DMD: variants seen among roughly 807,000 people sequenced by gnomAD.
DMD encodes mutant dystrophin.
DMD carries 63 observed loss-of-function variants against 330.1 expected under a neutral mutation model. The ratio of observed to expected loss-of-function variants is 0.19; its 90% CI spans 0.16 to 0.24. The LOEUF is 0.24. DMD is among the 10% of genes least tolerant of loss of function. DMD has a pLI of 1.00. For synonymous variants in DMD, 1,223 were observed against 959.8 expected, an observed-to-expected ratio of 1.27 and a Z score of -5.07; for missense variants, 3,344 against 2,684.1, an observed-to-expected ratio of 1.25 and a Z score of -5.43.
Position 32,394,921 on chromosome X carries a change from A to AAACAAAAAAAAAAAC in DMD, c.4234-4741_4234-4740insGTTTTTTTTTTTGTT, listed in dbSNP as rs564629446. Among the ~76,000 whole-genome samples, 142 of 63,671 alleles carry AAACAAAAAAAAAAAC rather than the reference A, an allele frequency of 2.2e-3. 2 individuals are homozygous for AAACAAAAAAAAAAAC. Among genetic ancestry groups the AAACAAAAAAAAAAAC allele is most frequent in the African/African-American group, 7.0e-3 (127 of 18,267 alleles). 55.3% of individuals were successfully genotyped at this position (63,671 alleles called of 115,157 possible). On this transcript the variant is annotated intron_variant, in intron 30 of 78. Coordinates refer to ENST00000357033, the MANE Select transcript of DMD (RefSeq NM_004006.3). ...AAGAGCAAAAAACAAAAAAACAAAA[A>AAACAAAAAAAAAAAC]AAAAAAAAAAAAGAAAAGAAATCAT...
intron 1 of DMD, among the ~76,000 whole-genome samples, chrX:33,263,310 A>G: frequency 9.1e-6 from 1 of 110,132 alleles, no homozygotes; most frequent in East Asian, 2.8e-4. Flanking sequence ...GATCCTATAT[A>G]TTTAATGTGT....
chrX:33,078,084 G>T (rs906966614), intron 1 of DMD, among the ~76,000 whole-genome samples: 4 of 111,687 alleles, frequency 3.6e-5, no homozygotes, highest in South Asian at 3.8e-4. Context: ...CCATGGGTTT[G>T]TACCCTCAAA....
chrX:32,782,552 T>A (rs772329304), intron 7 of DMD, among the ~76,000 whole-genome samples: 1 of 111,380 alleles, frequency 9.0e-6, no homozygotes, highest in East Asian at 2.8e-4. Flanking sequence ...CATTGTCAAG[T>A]TCTTCCTGCA....
intron 29 of DMD, among the ~76,000 whole-genome samples, chrX:32,426,884 C>A: frequency 9.0e-6 from 1 of 111,378 alleles, no homozygotes; most frequent in East Asian, 2.8e-4. Context: ...CATGTTCTCA[C>A]TTATAAGTGG....
At chrX:31,447,260 A>ATTTTTTTTT (rs72227601) in intron 59 of DMD, among the ~76,000 whole-genome samples, 3 of 52,471 alleles carry the variant, frequency 5.7e-5, no homozygotes, top group Admixed American at 3.1e-4. Context: ...AGATCTTGGG[A>ATTTTTTTTT]TTTTTTTTTT....
chrX:31,652,706 A>T (rs532405522), intron 54 of DMD, among the ~76,000 whole-genome samples: 1 of 111,633 alleles, frequency 9.0e-6, no homozygotes, highest in Admixed American at 9.6e-5. Context: ...AAGAAGATGG[A>T]CGAATTAAAA....
At chrX:32,454,931 G>C in intron 25 of DMD, 99 bp from the exon 26 acceptor site, 1 of 1,003,638 alleles carries the variant, frequency 1.0e-6, no homozygotes, top group South Asian at 2.2e-5. Flanking sequence ...AGCTTAGATA[G>C]TAATGATAAA....
chrX:32,316,144 G>T (rs921651436), intron 41 of DMD, among the ~76,000 whole-genome samples: 3 of 111,270 alleles, frequency 2.7e-5, no homozygotes, highest in African/African-American at 9.8e-5. Flanking sequence ...TCAATACATG[G>T]AAATAATCCC....
chrX:32,581,352 G>A (rs367794073), intron 13 of DMD, among the ~76,000 whole-genome samples: 2 of 112,195 alleles, frequency 1.8e-5, no homozygotes, highest in South Asian at 7.4e-4. Context: ...CTTGACTCCT[G>A]CTCTGGTTAC....
intron 70 of DMD, 93 bp from the exon 71 acceptor site, chrX:31,178,063 A>C: frequency 9.1e-7 from 1 of 1,093,117 alleles, no homozygotes; most frequent in Non-Finnish European, 1.2e-6. Flanking sequence ...AAATCCAGCC[A>C]ATTAAGTATG....
intron 16 of DMD, among the ~76,000 whole-genome samples, chrX:32,545,924 T>G (rs2048924861): frequency 9.1e-6 from 1 of 110,211 alleles, no homozygotes; most frequent in Non-Finnish European, 1.9e-5. Context: ...TATATCTTTA[T>G]GTTGAATGTT....
chrX:32,541,884 C>A (rs1175747132), intron 17 of DMD, among the ~76,000 whole-genome samples: 1 of 111,348 alleles, frequency 9.0e-6, no homozygotes, highest in Non-Finnish European at 1.9e-5. Flanking sequence ...TCCATATTTG[C>A]TACTTCTCTA....
intron 7 of DMD, among the ~76,000 whole-genome samples, chrX:32,705,663 A>G (rs1292691972): frequency 9.0e-6 from 1 of 111,158 alleles, no homozygotes; most frequent in Non-Finnish European, 1.9e-5. Context: ...AAAATATAAA[A>G]ATTTCTCCAC....
chrX:31,890,925 T>C (rs1752218769), intron 47 of DMD, among the ~76,000 whole-genome samples: 1 of 112,038 alleles, frequency 8.9e-6, no homozygotes, highest in African/African-American at 3.2e-5. Context: ...TCAAATGGCA[T>C]GACCTACATA....
At chrX:31,503,980 T>C (rs1266493769) in intron 56 of DMD, among the ~76,000 whole-genome samples, 2 of 110,868 alleles carry the variant, frequency 1.8e-5, no homozygotes, top group African/African-American at 6.5e-5. Flanking sequence ...AGAGCAGTGA[T>C]TTTTTTTGGT....
chrX:31,931,482 C>T (rs915094660), intron 46 of DMD, among the ~76,000 whole-genome samples: 3 of 110,451 alleles, frequency 2.7e-5, no homozygotes, highest in East Asian at 2.9e-4. Context: ...ACCAACACCA[C>T]GTCCCACACC....
At chrX:32,607,990 A>C (rs2149323181) in intron 12 of DMD, among the ~76,000 whole-genome samples, 1 of 109,620 alleles carries the variant, frequency 9.1e-6, no homozygotes, top group East Asian at 2.9e-4. Flanking sequence ...AGAGTAATGA[A>C]GTATAATAAC....
chrX:31,488,216 C>A (rs2068970351), intron 57 of DMD, among the ~76,000 whole-genome samples: 3 of 112,049 alleles, frequency 2.7e-5, no homozygotes, highest in South Asian at 7.4e-4. Context: ...TCTGAGCTGA[C>A]CTTGAGAGAT....
intron 2 of DMD, among the ~76,000 whole-genome samples, chrX:32,935,482 A>G (rs1044265877): frequency 4.5e-5 from 5 of 112,074 alleles, no homozygotes; most frequent in Non-Finnish European, 7.5e-5. Context: ...TCATATTCTT[A>G]CATGTGATCA....
Sources: gnomAD v4.1 joint callset for allele counts (sites outside exome capture counted in the v4.1 genomes callset) on GRCh38, gnomAD v4.1.1 for gene constraint, MANE v1.5 for transcripts, NCBI Gene and HGNC (gene_info 2026-07-23, HGNC 2026-07-21) for gene names.